The following RERE variants were observed in gnomAD, a reference collection of about 807,000 sequenced individuals.
The protein encoded by RERE is arginine-glutamic acid dipeptide repeats, also known as arginine-glutamic acid dipeptide repeats protein.
A neutral mutation model predicts 146.1 loss-of-function variants in RERE; 40 were observed. The observed-to-expected ratio is 0.27, with a 90% CI of 0.21 to 0.36. RERE has a LOEUF of 0.36. Ranked by LOEUF, RERE falls within the 10% of genes least tolerant of loss-of-function variation. The probability of loss-of-function intolerance (pLI) is 1.00; values close to 1 mark genes in which losing one functional copy is unlikely to be tolerated. For missense variants in RERE, 1,933 were observed against 2,138.7 expected (o/e 0.90, Z 1.90); for synonymous variants, 1,003 against 866.0 (o/e 1.16, Z -2.78).
intron 1 of RERE, among the ~76,000 whole-genome samples, chr1:8,657,578 G>A (rs1323544799): frequency 5.3e-5 from 8 of 152,170 alleles, no homozygotes; most frequent in African/African-American, 1.7e-4. Context: ...CAGGCGTGGT[G>A]GCTCACACCT....
intron 12 of RERE, among the ~76,000 whole-genome samples, chr1:8,422,336 G>A (rs1028058062): frequency 3.3e-5 from 5 of 152,100 alleles, no homozygotes; most frequent in African/African-American, 1.2e-4. Context: ...ACAAACCTCT[G>A]GTTTGGTTGA....
intron 1 of RERE, among the ~76,000 whole-genome samples, chr1:8,730,018 G>A (rs911572614): frequency 1.3e-5 from 2 of 152,188 alleles, no homozygotes; most frequent in African/African-American, 4.8e-5. Context: ...TCACACCTGA[G>A]ATAGGCTGAT....
intron 10 of RERE, among the ~76,000 whole-genome samples, chr1:8,486,755 T>TAAAAAAAAAAAAAAAAAAAAAAAA (rs33956517): frequency 2.5e-5 from 3 of 122,314 alleles, no homozygotes; most frequent in Admixed American, 8.5e-5. Flanking sequence ...GAGTCCATCT[T>TAAAAAAAAAAAAAAAAAAAAAAAA]AAAAAAAAAA....
chr1:8,751,384 T>C (rs1199565402), intron 1 of RERE, among the ~76,000 whole-genome samples: 1 of 152,166 alleles, frequency 6.6e-6, no homozygotes, highest in Non-Finnish European at 1.5e-5. Flanking sequence ...TAGCAATCTA[T>C]AGTAACAAAG....
chr1:8,364,341 C>G lies in RERE; in HGVS notation c.1541-86G>C, dbSNP rs1641714587. The G allele has an allele frequency of 8.4e-7, 1 of 1,193,106 alleles. No homozygotes were observed. Among genetic ancestry groups the G allele is most frequent in the Non-Finnish European group, 1.2e-6 (1 of 810,160 alleles). 73.9% of individuals were successfully genotyped at this position (1,193,106 alleles called of 1,614,324 possible). A position where few individuals can be genotyped will look rare whatever the true frequency, so the allele number is the denominator to read the frequency against. On this transcript the variant is annotated intron_variant, in intron 14 of 22. Transcript: ENST00000400908. The surrounding 1 kb of genome is among the most constrained non-coding windows in gnomAD (Gnocchi z 5.1). ...GGGCAGAGGGGCCCTTCTGTGGGCT[C>G]TACCCAAACCTGATGCCACCAGCAC...
At chr1:8,574,595 C>A (rs548555994) in intron 4 of RERE, among the ~76,000 whole-genome samples, 1 of 152,148 alleles carries the variant, frequency 6.6e-6, no homozygotes, top group Non-Finnish European at 1.5e-5. Context: ...GATCCACCTG[C>A]AATATTATAT....
At chr1:8,739,585 G>A (rs182556708) in intron 1 of RERE, among the ~76,000 whole-genome samples, 44 of 152,168 alleles carry the variant, frequency 2.9e-4, no homozygotes, top group East Asian at 9.6e-4. Flanking sequence ...GCCAGCTGGC[G>A]GAGGAAAAGC....
rs1431712181 is a variant in RERE at position 8,385,657 on chromosome 1, C to T, written c.1285-19683G>A. Among the ~76,000 whole-genome samples the T allele has an allele frequency of 5.3e-5, 8 of 151,780 alleles. No homozygotes were observed. The East Asian group carries it at 1.5e-3, about 29-fold the overall frequency. ...GGCCTCAGAACGCCTGACCAGCTAC[C>T]CGGAGAGCTTTTATTTCTTGAAGGG... On this transcript the variant is annotated intron_variant, in intron 12 of 22. Coordinates refer to ENST00000400908, the MANE Select transcript of RERE (RefSeq NM_001042681.2).
chr1:8,535,028 C>T (rs891736796), intron 7 of RERE, among the ~76,000 whole-genome samples: 6 of 151,958 alleles, frequency 3.9e-5, no homozygotes, highest in Admixed American at 6.6e-5. Flanking sequence ...CACTTGAGCC[C>T]GGGAGGATCA....
chr1:8,373,361 C>G (rs1178906662), intron 12 of RERE, among the ~76,000 whole-genome samples: 1 of 152,202 alleles, frequency 6.6e-6, no homozygotes, highest in Non-Finnish European at 1.5e-5. Flanking sequence ...CAGTGAGCAT[C>G]TGGCTCCTTC....
At chr1:8,407,711 G>A (rs1415919904) in intron 12 of RERE, among the ~76,000 whole-genome samples, 1 of 152,166 alleles carries the variant, frequency 6.6e-6, no homozygotes, top group Non-Finnish European at 1.5e-5. Flanking sequence ...CTGCTGAGCT[G>A]ATGTCTATAA....
chr1:8,613,360 G>A (rs533348325), intron 4 of RERE, among the ~76,000 whole-genome samples: 1 of 152,246 alleles, frequency 6.6e-6, no homozygotes, highest in South Asian at 2.1e-4. Context: ...ACGTCCTGCG[G>A]GTCATCTTCT....
chr1:8,698,154 C>T (rs1193666672), intron 1 of RERE, among the ~76,000 whole-genome samples: 1 of 152,130 alleles, frequency 6.6e-6, no homozygotes, highest in Admixed American at 6.5e-5. Flanking sequence ...TTGAGTGATA[C>T]AGATCGGCAG....
In RERE at chr1:8,360,504, G is replaced by T; in HGVS notation, c.3003C>A (p.Pro1001=). The T allele has an allele frequency of 7.3e-7, 1 of 1,371,444 alleles. No individual in the cohort carries two copies. The highest frequency in any genetic ancestry group is 9.6e-7 in the Non-Finnish European group (1 of 1,042,188). 85.0% of individuals were successfully genotyped at this position (1,371,444 alleles called of 1,614,324 possible). A position where few individuals can be genotyped will look rare whatever the true frequency, so the allele number is the denominator to read the frequency against. The change falls in exon 18 of 23, where the codon CCC becomes CCA. Residue 1001 remains proline, a synonymous_variant. Coordinates refer to ENST00000400908, the MANE Select transcript of RERE (RefSeq NM_001042681.2). The part of the protein sequence containing the change: ...MPQSQPLPSS[P]AQPPGLTQSQ... ...TCTGGGTCAGCCCGGGGGGCTGGGC[G>T]GGCGAGGAGGGCAATGGCTGGCTCT...
chr1:8,631,507 G>C (rs144998132), intron 2 of RERE, among the ~76,000 whole-genome samples: 1 of 152,150 alleles, frequency 6.6e-6, no homozygotes, highest in African/African-American at 2.4e-5. Flanking sequence ...ACAAACTTGC[G>C]AACTCTGTGG....
chr1:8,364,725 G>A lies in RERE; in HGVS notation c.1540+21C>T, dbSNP rs1334427339. On this transcript the variant is annotated intron_variant, in intron 14 of 22. Coordinates refer to ENST00000400908, the MANE Select transcript of RERE (RefSeq NM_001042681.2). The surrounding 1 kb of genome is among the most constrained non-coding windows in gnomAD (Gnocchi z 5.1). ...TGCTTGTGCCCCCGCCCCGCCCCAG[G>A]AGCGTGACGAGGCCACTTACTGGTG... is the stretch of plus-strand genomic sequence containing the variant. The A allele has an allele frequency of 2.5e-6, 4 of 1,585,344 alleles. No homozygotes were observed. The highest frequency in any genetic ancestry group is 3.5e-6 in the Non-Finnish European group (4 of 1,153,936).
At chr1:8,752,149 G>T (rs959431663) in intron 1 of RERE, among the ~76,000 whole-genome samples, 3 of 151,914 alleles carry the variant, frequency 2.0e-5, no homozygotes, top group African/African-American at 7.3e-5. Flanking sequence ...GTAGGGACAG[G>T]ATTTGCCTTG....
chr1:8,450,791 A>C (rs1310495908), intron 11 of RERE, among the ~76,000 whole-genome samples: 1 of 152,044 alleles, frequency 6.6e-6, no homozygotes, highest in Non-Finnish European at 1.5e-5. Context: ...TCTCCTTCTT[A>C]TCCTGTGACC....
At chr1:8,544,223 T>C (rs1645832424) in intron 6 of RERE, among the ~76,000 whole-genome samples, 1 of 152,252 alleles carries the variant, frequency 6.6e-6, no homozygotes. Flanking sequence ...TCATAATGTA[T>C]TTTTTAAACA....
Sources: allele counts gnomAD v4.1 joint callset (sites outside exome capture counted in the v4.1 genomes callset), GRCh38; gene constraint gnomAD v4.1.1; non-coding constraint Gnocchi (gnomAD v3.1); transcripts MANE v1.5; gene names NCBI Gene and HGNC (gene_info 2026-07-23, HGNC 2026-07-21).